Variants in MTA3 observed in about 807,000 individuals in gnomAD.
MTA3 encodes the protein metastasis associated 1 family member 3.
In MTA3, 34 loss-of-function variants were observed where a neutral mutation model predicts 83.5. The observed-to-expected ratio is 0.41, with a 90% CI of 0.31 to 0.54. The LOEUF (loss-of-function observed/expected upper bound fraction) is 0.54. Ranked by LOEUF, MTA3 falls within the 20% of genes least tolerant of loss-of-function variation. The pLI is 0.33. For missense variants in MTA3, 761 were observed against 726.4 expected, an observed-to-expected ratio of 1.05 and a Z score of -0.55; for synonymous variants, 303 against 252.7, an observed-to-expected ratio of 1.20 and a Z score of -1.89.
intron 8 of MTA3, among the ~76,000 whole-genome samples, chr2:42,667,990 G>T (rs1219050089): frequency 1.3e-5 from 2 of 152,116 alleles, no homozygotes; most frequent in African/African-American, 2.4e-5. Context: ...TGTATGATCC[G>T]TGTAGCCCGG....
At chr2:42,520,867 G>A (rs992768928) in intron 2 of MTA3, among the ~76,000 whole-genome samples, 1 of 152,032 alleles carries the variant, frequency 6.6e-6, no homozygotes, top group Non-Finnish European at 1.5e-5. Context: ...CGCCCAGCCT[G>A]GTTCCTCTTC....
Position 42,512,136 on chromosome 2 carries a change from C to CT in MTA3, c.-141+16892dup, listed in dbSNP as rs1204506266. On this transcript the variant is annotated intron_variant, in intron 2 of 17. Transcript: ENST00000405592. ...GAGGGTTTTTTTCTTTTTCTTTTTCCTTTTTTTTTTGTTTTTGTTTTTGTT... is the reference window on the plus strand; with the variant it reads ...GAGGGTTTTTTTCTTTTTCTTTTTCCTTTTTTTTTTTGTTTTTGTTTTTGTT... Among the ~76,000 whole-genome samples the CT allele has an allele frequency of 2.9e-3, 427 of 146,448 alleles. 1 individual carries two copies. The highest frequency in any genetic ancestry group is 9.6e-3 in the African/African-American group (385 of 40,240).
chr2:42,635,679 A>G (rs751207920), intron 4 of MTA3, among the ~76,000 whole-genome samples: 9 of 152,186 alleles, frequency 5.9e-5, no homozygotes, highest in Non-Finnish European at 1.3e-4. Flanking sequence ...TTGTAAAGTC[A>G]ATAAAAAAAT....
chr2:42,641,997 A>G (rs1021338954), intron 5 of MTA3, among the ~76,000 whole-genome samples: 1 of 152,058 alleles, frequency 6.6e-6, no homozygotes, highest in African/African-American at 2.4e-5. Flanking sequence ...GCATATAAGA[A>G]CTCTGCACTT....
At position 42,733,590 on chromosome 2, in the gene MTA3, A is replaced by C. The variant is rs560353205; in HGVS notation, c.1759+10555A>C. 1.3e-4 allele frequency among the ~76,000 whole-genome samples: 20 copies of C among 152,278 alleles called. No individual in the cohort carries two copies. In the South Asian group the frequency reaches 3.9e-3, roughly 30 times the overall value. On this transcript the variant is annotated intron_variant, in intron 16 of 16. Coordinates refer to ENST00000405094, the MANE Select transcript of MTA3 (RefSeq NM_001330442.2). The stretch of plus-strand genomic sequence containing the variant: ...TATCATTTGTTTCAATACATTTTTA[A>C]ATTTCCTTCTTAATGTTTTCATCGA...
rs72988035 is a variant in MTA3, at chr2:42,532,918, G to A, written c.-140-37519G>A. ...TTTTTTCCTGACCATTTTCCTTCAC[G>A]CGCTTCAGGAAGCTCTCTCAGCTCA... On this transcript the variant is annotated intron_variant, in intron 2 of 17. Coordinates refer to the MTA3 transcript ENST00000405592. 350 of 269,020 alleles carry A rather than the reference G, an allele frequency of 1.3e-3. 1 individual carries two copies. Among genetic ancestry groups the A allele is most frequent in the African/African-American group, 7.6e-3 (331 of 43,460 alleles). 16.7% of individuals were successfully genotyped at this position (269,020 alleles called of 1,614,324 possible).
chr2:42,637,594 A>G lies in MTA3; in HGVS notation c.318-2579A>G, dbSNP rs1687317573. On this transcript the variant is annotated intron_variant, in intron 4 of 16. Coordinates refer to ENST00000405094, the MANE Select transcript of MTA3 (RefSeq NM_001330442.2). ...TTAATTACATATTCATATTTACTTC[A>G]TAAAATAATTCTGACTCAACCTCTT... Among the ~76,000 whole-genome samples the G allele has an allele frequency of 2.6e-5, 4 of 152,198 alleles. No individual in the cohort carries two copies. The South Asian group carries it at 6.2e-4, about 24-fold the overall frequency.
chr2:42,698,563 A>G (rs1028040333), intron 11 of MTA3: 1 of 152,292 alleles, frequency 6.6e-6, no homozygotes, highest in Admixed American at 6.5e-5. Context: ...TTGGTTTATT[A>G]AGCACCACGT....
chr2:42,526,335 G>C (rs183294693), intron 2 of MTA3, among the ~76,000 whole-genome samples: 2 of 152,164 alleles, frequency 1.3e-5, no homozygotes, highest in Non-Finnish European at 2.9e-5. Flanking sequence ...GGGTAACTGG[G>C]ATTACAGGCG....
chr2:42,624,648 ATTAAC>A (rs2104215216), intron 4 of MTA3, among the ~76,000 whole-genome samples: 1 of 152,188 alleles, frequency 6.6e-6, no homozygotes, highest in South Asian at 2.1e-4. Flanking sequence ...TTTAATGTGT[ATTAAC>A]TTATAGCAGA....
At chr2:42,577,091 T>TAAAAAAAAAAAAAAAA (rs1173783991) in intron 2 of MTA3, among the ~76,000 whole-genome samples, 1 of 19,218 alleles carries the variant, frequency 5.2e-5, no homozygotes, top group African/African-American at 3.2e-4. Flanking sequence ...GTACTCCATC[T>TAAAAAAAAAAAAAAAA]AAAAAAAAAA....
In MTA3 at chr2:42,708,995, T is replaced by G; in HGVS notation, c.1424T>G (p.Phe475Cys). The change falls in exon 14 of 17, where the codon TTC (phenylalanine) becomes TGC (cysteine). Residue 475 changes from phenylalanine to cysteine, a missense_variant. Coordinates refer to ENST00000405094, the MANE Select transcript of MTA3 (RefSeq NM_001330442.2). ...GCTTTCTTCCTTCATACTACATATT[T>G]CACAAAATTTGCTCGTCAGGTCTGC... ...RQAFFLHTTY[F>C]TKFARQVCKN... 6.2e-7 allele frequency: 1 copy of G among 1,613,980 alleles called. No individual in the cohort carries two copies. The highest frequency in any genetic ancestry group is 8.5e-7 in the Non-Finnish European group (1 of 1,179,888).
chr2:42,721,604 C>T (rs913901232), intron 15 of MTA3, among the ~76,000 whole-genome samples: 8 of 152,144 alleles, frequency 5.3e-5, no homozygotes, highest in South Asian at 4.1e-4. Context: ...ACTGGGATTA[C>T]GGATGTGAGC....
At chr2:42,661,962 A>G (rs1054907366) in intron 8 of MTA3, among the ~76,000 whole-genome samples, 1 of 152,136 alleles carries the variant, frequency 6.6e-6, no homozygotes, top group Non-Finnish European at 1.5e-5. Context: ...ACTGTAACAG[A>G]TCTGCTATGT....
chr2:42,533,693 G>A (rs192002379), intron 2 of MTA3, among the ~76,000 whole-genome samples: 2 of 150,058 alleles, frequency 1.3e-5, no homozygotes, highest in Admixed American at 6.6e-5. Flanking sequence ...TTAGCAGGGC[G>A]TAGTGGCGGG....
intron 8 of MTA3, among the ~76,000 whole-genome samples, chr2:42,666,232 G>A (rs1245176179): frequency 6.6e-6 from 1 of 152,132 alleles, no homozygotes; most frequent in African/African-American, 2.4e-5. Context: ...AGCCGAGATC[G>A]TGCCACTGCA....
At chr2:42,575,781 G>A (rs779575068) in intron 2 of MTA3, among the ~76,000 whole-genome samples, 2 of 152,032 alleles carry the variant, frequency 1.3e-5, no homozygotes, top group Non-Finnish European at 2.9e-5. Flanking sequence ...CTAAATTATT[G>A]GGTTGCACAT....
chr2:42,697,631 A>G (rs933276796), intron 10 of MTA3, 145 bp from the exon 11 acceptor site: 3 of 582,900 alleles, frequency 5.1e-6, no homozygotes, highest in Non-Finnish European at 9.0e-6. Context: ...ATTGCAGTTT[A>G]AGAATATGCA....
chr2:42,707,113 C>T lies in MTA3; in HGVS notation c.1151-790C>T, dbSNP rs190255715. Among the ~76,000 whole-genome samples, 732 of 152,086 alleles carry T rather than the reference C, an allele frequency of 4.8e-3. 16 individuals are homozygous for T. The highest frequency in any genetic ancestry group is 0.04 in the Admixed American group (613 of 15,266). Reference sequence around the variant, plus strand: ...TGTAGTCGCTGGGACTACAGGGGTTCACCACCACACCTGGCTGACAGATAC... The same window carrying T: ...TGTAGTCGCTGGGACTACAGGGGTTTACCACCACACCTGGCTGACAGATAC... On this transcript the variant is annotated intron_variant, in intron 12 of 16. Coordinates refer to ENST00000405094, the MANE Select transcript of MTA3 (RefSeq NM_001330442.2).
Sources: gnomAD v4.1 joint callset for allele counts (sites outside exome capture counted in the v4.1 genomes callset) on GRCh38, gnomAD v4.1.1 for gene constraint, MANE v1.5 for transcripts, NCBI Gene and HGNC (gene_info 2026-07-23, HGNC 2026-07-21) for gene names.